The following PRKN variants were observed in gnomAD, a reference collection of about 807,000 sequenced individuals.
The protein encoded by PRKN is parkin RBR E3 ubiquitin protein ligase.
In PRKN, 56 loss-of-function variants were observed where a neutral mutation model predicts 59.5. The ratio of observed to expected loss-of-function variants is 0.94; its 90% CI spans 0.76 to 1.18. The LOEUF is 1.18. Ranked by LOEUF, PRKN falls within the 50% of genes most tolerant of loss-of-function variation. The probability of loss-of-function intolerance (pLI) is 0.00; values close to 1 mark genes in which losing one functional copy is unlikely to be tolerated. For synonymous variants in PRKN, 250 were observed against 222.1 expected, an observed-to-expected ratio of 1.13 and a Z score of -1.12; for missense variants, 657 against 596.4, an observed-to-expected ratio of 1.10 and a Z score of -1.06.
chr6:161,521,494 TAA>T (rs943241825), intron 9 of PRKN, among the ~76,000 whole-genome samples: 5 of 152,194 alleles, frequency 3.3e-5, no homozygotes, highest in African/African-American at 1.2e-4. Context: ...TCTTAAGTAT[TAA>T]ACATGTCATT....
chr6:162,694,236 CAAAAA>C (rs149337714), intron 1 of PRKN, among the ~76,000 whole-genome samples: 14 of 93,514 alleles, frequency 1.5e-4, no homozygotes, highest in Admixed American at 2.6e-4. Flanking sequence ...AACAGTGAGA[CAAAAA>C]AAAAAAAAAA....
Position 161,502,111 on chromosome 6 carries a change from A to C in PRKN, c.1083+46743T>G, listed in dbSNP as rs982386976. Among the ~76,000 whole-genome samples, 1 of 152,158 alleles carries C rather than the reference A, an allele frequency of 6.6e-6. No individual in the cohort carries two copies. The highest frequency in any genetic ancestry group is 6.5e-5 in the Admixed American group (1 of 15,278). ...TTGTGTTAAAAACTGCTTTTTGTGG[A>C]TCACATGAAGCAACTCTGAAATGCA... On this transcript the variant is annotated intron_variant, in intron 9 of 11. Coordinates refer to ENST00000366898, the MANE Select transcript of PRKN (RefSeq NM_004562.3). The surrounding 1 kb of genome is among the most constrained non-coding windows in gnomAD (Gnocchi z 4.0).
chr6:162,689,410 C>A (rs1777687821), intron 1 of PRKN, among the ~76,000 whole-genome samples: 1 of 151,882 alleles, frequency 6.6e-6, no homozygotes, highest in African/African-American at 2.4e-5. Context: ...GCTTCTATTG[C>A]CTGTTAGGCT....
chr6:162,723,634 T>C (rs1779019369), intron 1 of PRKN, among the ~76,000 whole-genome samples: 1 of 152,234 alleles, frequency 6.6e-6, no homozygotes, highest in Non-Finnish European at 1.5e-5. Flanking sequence ...TTGGGCAACT[T>C]ATTTTGGAAA....
intron 7 of PRKN, among the ~76,000 whole-genome samples, chr6:161,663,065 C>G (rs1384220909): frequency 2.0e-5 from 3 of 152,166 alleles, no homozygotes; most frequent in Non-Finnish European, 4.4e-5. Context: ...GGGGAGTTCC[C>G]CTGAACATGC....
rs538280348 is a variant in PRKN at position 162,643,798 on chromosome 6, T to A, written c.7+83864A>T. 2.0e-5 allele frequency: 3 copies of A among 152,326 alleles called. No homozygotes were observed. In the East Asian group the frequency reaches 5.8e-4, roughly 29 times the overall value. 9.4% of individuals were successfully genotyped at this position (152,326 alleles called of 1,614,324 possible). ...TGCTGAAGCTTTTTGTCTTCTGAAG[T>A]ACACTAAATTTTCAATTTAATAATT... On this transcript the variant is annotated intron_variant, in intron 1 of 11. Transcript: ENST00000366898.
chr6:161,830,553 G>A (rs1303264641), intron 6 of PRKN, among the ~76,000 whole-genome samples: 2 of 151,044 alleles, frequency 1.3e-5, no homozygotes, highest in African/African-American at 4.8e-5. Context: ...CACCCGGCCC[G>A]CCTTTGTTTT....
chr6:162,721,685 C>G (rs186768777), intron 1 of PRKN, among the ~76,000 whole-genome samples: 2 of 152,302 alleles, frequency 1.3e-5, no homozygotes, highest in East Asian at 3.9e-4. Context: ...TGATACCCAC[C>G]TTTCAGGTTT....
chr6:161,442,889 C>T lies in PRKN; in HGVS notation c.1084-56012G>A, dbSNP rs73785904. On this transcript the variant is annotated intron_variant, in intron 9 of 11. Coordinates refer to ENST00000366898, the MANE Select transcript of PRKN (RefSeq NM_004562.3). The surrounding 1 kb of genome is among the most constrained non-coding windows in gnomAD (Gnocchi z 4.6). ...CAGCAGTTTAACATAAACCCTCTCA[C>T]TTACTGCCAATGTGTCCACGCTGCT... is the stretch of plus-strand genomic sequence containing the variant. 4.8e-3 allele frequency among the ~76,000 whole-genome samples: 725 copies of T among 152,332 alleles called. 9 individuals are homozygous for T. Among genetic ancestry groups the T allele is most frequent in the African/African-American group, 0.017 (694 of 41,578 alleles).
chr6:161,946,414 A>ACACACACACACTCTCTCTCTCTCTCTCT (rs1247187053), intron 6 of PRKN, among the ~76,000 whole-genome samples: 1 of 114,376 alleles, frequency 8.7e-6, no homozygotes. Flanking sequence ...ACACACACAC[A>ACACACACACACTCTCTCTCTCTCTCTCT]CTCTCTCTCT....
At chr6:161,555,047 C>T (rs1780184370) in intron 8 of PRKN, among the ~76,000 whole-genome samples, 1 of 151,992 alleles carries the variant, frequency 6.6e-6, no homozygotes, top group African/African-American at 2.4e-5. Context: ...TGTTCAGTTG[C>T]TTTGATGTTT....
chr6:162,299,851 A>G (rs917922260), intron 2 of PRKN, among the ~76,000 whole-genome samples: 1 of 152,002 alleles, frequency 6.6e-6, no homozygotes, highest in Non-Finnish European at 1.5e-5. Context: ...AAAGTAAAGT[A>G]AAGCTAGACC....
chr6:161,808,482 CGT>C (rs941736205), intron 6 of PRKN, among the ~76,000 whole-genome samples: 24 of 151,986 alleles, frequency 1.6e-4, no homozygotes, highest in African/African-American at 4.6e-4. Context: ...TAATGAATAA[CGT>C]GTGTGTGTTG....
rs375977721 is a variant in PRKN, at chr6:161,373,808, G to C, written c.1167+12986C>G. The stretch of plus-strand genomic sequence containing the variant: ...ATATTTTGTCCCCCCTGCCAGCCCC[G>C]TTTTTAATGAAGGAATTATGGGGGC... On this transcript the variant is annotated intron_variant, in intron 10 of 11. Transcript: ENST00000366898. The surrounding 1 kb of genome is among the most constrained non-coding windows in gnomAD (Gnocchi z 4.8). Among the ~76,000 whole-genome samples, 1 of 152,088 alleles carries C rather than the reference G, an allele frequency of 6.6e-6. No homozygotes were observed. Among genetic ancestry groups the C allele is most frequent in the African/African-American group, 2.4e-5 (1 of 41,414 alleles).
At position 161,373,987 on chromosome 6, in the gene PRKN, C is replaced by T. The variant is rs1785547060; in HGVS notation, c.1167+12807G>A. ...TCAAAGTGGCGTTCACTCCCTTTTC[C>T]CCCAGGTCATTTTATTTTTGTTTCT... On this transcript the variant is annotated intron_variant, in intron 10 of 11. Coordinates refer to ENST00000366898, the MANE Select transcript of PRKN (RefSeq NM_004562.3). The surrounding 1 kb of genome is among the most constrained non-coding windows in gnomAD (Gnocchi z 4.8). 6.6e-6 allele frequency among the ~76,000 whole-genome samples: 1 copy of T among 152,122 alleles called. No homozygotes were observed. Among genetic ancestry groups the T allele is most frequent in the Admixed American group, 6.6e-5 (1 of 15,254 alleles).
At chr6:161,647,901 C>T (rs989353696) in intron 7 of PRKN, among the ~76,000 whole-genome samples, 1 of 152,084 alleles carries the variant, frequency 6.6e-6, no homozygotes, top group African/African-American at 2.4e-5. Flanking sequence ...GCAATAAAGG[C>T]CTAGATATTT....
intron 1 of PRKN, among the ~76,000 whole-genome samples, chr6:162,589,783 T>C (rs1436373599): frequency 1.3e-5 from 2 of 152,226 alleles, no homozygotes; most frequent in African/African-American, 2.4e-5. Flanking sequence ...GCAACTCTGT[T>C]TGTTTTCTCA....
intron 6 of PRKN, among the ~76,000 whole-genome samples, chr6:161,786,721 T>C (rs1790435645): frequency 2.0e-5 from 3 of 152,132 alleles, no homozygotes; most frequent in Admixed American, 2.0e-4. Flanking sequence ...TCACATTTTA[T>C]TGGCAAATAA....
At chr6:162,343,786 T>C (rs574758197) in intron 2 of PRKN, among the ~76,000 whole-genome samples, 1 of 152,096 alleles carries the variant, frequency 6.6e-6, no homozygotes, top group Admixed American at 6.6e-5. Flanking sequence ...TATGCAAAAT[T>C]TAAACAGTTA....
Sources: gnomAD v4.1 joint callset for allele counts (sites outside exome capture counted in the v4.1 genomes callset) on GRCh38, gnomAD v4.1.1 for gene constraint, Gnocchi (gnomAD v3.1) non-coding constraint, MANE v1.5 for transcripts, NCBI Gene and HGNC (gene_info 2026-07-23, HGNC 2026-07-21) for gene names.